The following SYNJ1 variants were observed in gnomAD, a reference collection of about 807,000 sequenced individuals.
SYNJ1 encodes the protein polyphosphatidylinositol phosphatase SYNJ1.
A neutral mutation model predicts 168.2 loss-of-function variants in SYNJ1; 78 were observed. That is an observed-to-expected ratio of 0.46 (90% confidence interval 0.39 to 0.56). The LOEUF (loss-of-function observed/expected upper bound fraction) is 0.56, where lower values mean the gene tolerates loss of function less well. SYNJ1 is among the 20% of genes least tolerant of loss of function. SYNJ1 has a pLI of 0.00. For missense variants in SYNJ1, 1,303 were observed against 1,597.6 expected, an observed-to-expected ratio of 0.82 and a Z score of 3.14; for synonymous variants, 539 against 548.6, an observed-to-expected ratio of 0.98 and a Z score of 0.24.
intron 2 of SYNJ1, among the ~76,000 whole-genome samples, chr21:32,714,741 A>C (rs970166011): frequency 6.6e-6 from 1 of 152,214 alleles, no homozygotes; most frequent in Non-Finnish European, 1.5e-5. Flanking sequence ...GGTAGCCACC[A>C]AACAGTTTGT....
At chr21:32,704,063 T>C (rs1485506456) in intron 2 of SYNJ1, among the ~76,000 whole-genome samples, 1 of 152,132 alleles carries the variant, frequency 6.6e-6, no homozygotes, top group East Asian at 1.9e-4. Flanking sequence ...AGAGAAGTCA[T>C]TCTATAACTT....
At chr21:32,694,355 T>C in intron 5 of SYNJ1, 44 bp from the exon 6 acceptor site, 3 of 1,438,078 alleles carry the variant, frequency 2.1e-6, no homozygotes, top group South Asian at 1.4e-5. Flanking sequence ...CACAGAAAAG[T>C]TGTTACACTT....
At chr21:32,661,981 C>T (rs761784339) in intron 18 of SYNJ1, among the ~76,000 whole-genome samples, 3 of 152,206 alleles carry the variant, frequency 2.0e-5, no homozygotes, top group Non-Finnish European at 2.9e-5. Flanking sequence ...GCATGTGGAT[C>T]AAGGACTGGA....
intron 4 of SYNJ1, among the ~76,000 whole-genome samples, chr21:32,696,399 A>G (rs1485285724): frequency 6.6e-6 from 1 of 152,180 alleles, no homozygotes; most frequent in Non-Finnish European, 1.5e-5. Context: ...AAAAGCTGCT[A>G]TGGCTAAAGT....
At chr21:32,664,428 G>C (rs1003857830) in intron 18 of SYNJ1, among the ~76,000 whole-genome samples, 2 of 152,176 alleles carry the variant, frequency 1.3e-5, no homozygotes, top group African/African-American at 4.8e-5. Flanking sequence ...CCTGGGCCTG[G>C]TAGTTAAAAA....
chr21:32,676,393 TA>T (rs1319289397), intron 12 of SYNJ1, 38 bp from the exon 13 acceptor site: 2 of 1,590,810 alleles, frequency 1.3e-6, no homozygotes, highest in South Asian at 1.1e-5. Flanking sequence ...GAATCATTAG[TA>T]AAAACAAGTT....
chr21:32,727,377 G>T (rs569572701), intron 1 of SYNJ1, among the ~76,000 whole-genome samples: 4 of 152,330 alleles, frequency 2.6e-5, no homozygotes, highest in South Asian at 2.1e-4. Context: ...AGCTCCTTAG[G>T]GGGCAGGAGA....
chr21:32,702,545 C>A (rs922088263), intron 2 of SYNJ1, among the ~76,000 whole-genome samples: 7 of 150,714 alleles, frequency 4.6e-5, no homozygotes, highest in Non-Finnish European at 7.4e-5. Flanking sequence ...GAAAAAACAA[C>A]AAAAAAAAAT....
intron 17 of SYNJ1, among the ~76,000 whole-genome samples, chr21:32,665,583 G>A (rs1403673189): frequency 1.3e-5 from 2 of 152,108 alleles, no homozygotes; most frequent in African/African-American, 2.4e-5. Context: ...CCCCCACTTC[G>A]AGTTGTCCTG....
chr21:32,725,427 T>C (rs1171294274), intron 2 of SYNJ1, among the ~76,000 whole-genome samples: 1 of 152,234 alleles, frequency 6.6e-6, no homozygotes, highest in African/African-American at 2.4e-5. Context: ...AAGTCCATAC[T>C]GATTGAGTAT....
chr21:32,718,695 C>T (rs1224725925), intron 2 of SYNJ1, among the ~76,000 whole-genome samples: 1 of 151,868 alleles, frequency 6.6e-6, no homozygotes, highest in Non-Finnish European at 1.5e-5. Flanking sequence ...CACTGTTTGG[C>T]ATTACCACCT....
chr21:32,717,366 G>A (rs1188768977), intron 2 of SYNJ1, among the ~76,000 whole-genome samples: 1 of 152,110 alleles, frequency 6.6e-6, no homozygotes, highest in Non-Finnish European at 1.5e-5. Context: ...GTCTATTACA[G>A]CATCTGTTTC....
chr21:32,656,648 T>C (rs1353777591), intron 21 of SYNJ1, 39 bp downstream of exon 21: 1 of 1,535,996 alleles, frequency 6.5e-7, no homozygotes, highest in African/African-American at 1.4e-5. Context: ...AATGATTGTT[T>C]ATGAATCACA....
intron 4 of SYNJ1, among the ~76,000 whole-genome samples, chr21:32,697,284 C>G (rs753457064): frequency 1.3e-5 from 2 of 152,158 alleles, no homozygotes; most frequent in Non-Finnish European, 2.9e-5. Flanking sequence ...GAAAATATTG[C>G]TACTAAGTGC....
rs533093953 is a variant in SYNJ1 at position 32,656,671 on chromosome 21, A to T, written c.2795+16T>A. ...TTTATGAATCACAAGCTACTTTTGC[A>T]TAATAAACATCTTACCTTATAAGTA... On this transcript the variant is annotated intron_variant, in intron 21 of 32. Coordinates refer to ENST00000674351, the MANE Select transcript of SYNJ1 (RefSeq NM_203446.3). 52 of 1,594,714 alleles carry T rather than the reference A, an allele frequency of 3.3e-5. 1 individual carries two copies. In the South Asian group the frequency reaches 5.7e-4, roughly 18 times the overall value.
Position 32,631,049 on chromosome 21 carries a change from AG to A in SYNJ1, c.*755del, listed in dbSNP as rs769381981. ...AAGCCTTAGAGGCCAAGGTCGTGAAAGGATCTACTGGAGGGCTGGTGCCGGG... is the reference window on the plus strand; with the variant it reads ...AAGCCTTAGAGGCCAAGGTCGTGAAAGATCTACTGGAGGGCTGGTGCCGGG... On this transcript the variant is annotated 3_prime_UTR_variant, in exon 33 of 33. Transcript: ENST00000674351. 1 of 1,614,164 alleles carries A rather than the reference AG, an allele frequency of 6.2e-7. No homozygotes were observed. The highest frequency in any genetic ancestry group is 1.7e-5 in the Admixed American group (1 of 60,014).
upstream of SYNJ1, chr21:32,728,157 C>G (rs951742804): frequency 8.8e-6 from 11 of 1,245,352 alleles, no homozygotes; most frequent in Admixed American, 3.0e-5. Context: ...CGGGCGGCCC[C>G]AGCCTCAGTC....
chr21:32,657,899 T>TATTC, intron 18 of SYNJ1, 27 bp from the exon 19 acceptor site: 1 of 1,584,142 alleles, frequency 6.3e-7, no homozygotes, highest in South Asian at 1.1e-5. Context: ...CAAAGTAAGT[T>TATTC]ATTCCCAAAC....
At chr21:32,680,821 T>C (rs1221841351) in intron 11 of SYNJ1, among the ~76,000 whole-genome samples, 1 of 152,192 alleles carries the variant, frequency 6.6e-6, no homozygotes, top group African/African-American at 2.4e-5. Flanking sequence ...TTCGCTATGT[T>C]GGCCAGGCTA....
Sources: allele counts gnomAD v4.1 joint callset (sites outside exome capture counted in the v4.1 genomes callset), GRCh38; gene constraint gnomAD v4.1.1; transcripts MANE v1.5; gene names NCBI Gene and HGNC (gene_info 2026-07-23, HGNC 2026-07-21).